The following LAMA2 variants were observed in gnomAD, a reference collection of about 807,000 sequenced individuals.
The protein encoded by LAMA2 is laminin subunit alpha-2.
LAMA2 carries 269 observed loss-of-function variants against 364.8 expected under a neutral mutation model. The observed-to-expected ratio is 0.74, with a 90% CI of 0.67 to 0.82. The LOEUF is 0.82. Ranked by LOEUF, LAMA2 falls within the 40% of genes least tolerant of loss-of-function variation. The probability of loss-of-function intolerance (pLI) is 0.00; values close to 1 mark genes in which losing one functional copy is unlikely to be tolerated. For missense variants in LAMA2, 3,807 were observed against 3,873.2 expected (o/e 0.98, Z 0.45); for synonymous variants, 1,379 against 1,370.6 (o/e 1.01, Z -0.14).
intron 1 of LAMA2, among the ~76,000 whole-genome samples, chr6:128,920,879 G>A (rs1453340353): frequency 6.6e-6 from 1 of 152,116 alleles, no homozygotes; most frequent in African/African-American, 2.4e-5. Context: ...GAGAAGAAAA[G>A]AAAGAGAGAC....
At chr6:129,432,048 A>G (rs1160578492) in intron 41 of LAMA2, among the ~76,000 whole-genome samples, 1 of 152,210 alleles carries the variant, frequency 6.6e-6, no homozygotes, top group Non-Finnish European at 1.5e-5. Context: ...TTGAATTTGC[A>G]TATTACCCTT....
intron 10 of LAMA2, among the ~76,000 whole-genome samples, chr6:129,183,252 A>T (rs1213319966): frequency 6.6e-6 from 1 of 151,988 alleles, no homozygotes; most frequent in Non-Finnish European, 1.5e-5. Flanking sequence ...CATATGCTAG[A>T]AATTGGCTCT....
At chr6:129,127,702 T>C (rs768687064) in intron 4 of LAMA2, among the ~76,000 whole-genome samples, 2 of 152,244 alleles carry the variant, frequency 1.3e-5, no homozygotes, top group Non-Finnish European at 2.9e-5. Flanking sequence ...TTTTTGATAT[T>C]ACCTATTCTG....
intron 1 of LAMA2, among the ~76,000 whole-genome samples, chr6:128,909,144 T>C (rs1338967221): frequency 6.6e-6 from 1 of 151,848 alleles, no homozygotes; most frequent in Non-Finnish European, 1.5e-5. Flanking sequence ...TGTAGATGTC[T>C]ATCAGGTCCG....
At chr6:129,332,033 G>A (rs1016528341) in intron 29 of LAMA2, among the ~76,000 whole-genome samples, 2 of 152,142 alleles carry the variant, frequency 1.3e-5, no homozygotes, top group Non-Finnish European at 2.9e-5. Flanking sequence ...TGGTATTCCT[G>A]GGACTCAATC....
intron 12 of LAMA2, among the ~76,000 whole-genome samples, chr6:129,244,835 T>G (rs1300738388): frequency 6.6e-6 from 1 of 152,200 alleles, no homozygotes; most frequent in African/African-American, 2.4e-5. Context: ...AAAACTTTCC[T>G]GCCTCATTAA....
At chr6:129,332,136 A>T (rs1775692398) in intron 29 of LAMA2, among the ~76,000 whole-genome samples, 1 of 152,200 alleles carries the variant, frequency 6.6e-6, no homozygotes, top group African/African-American at 2.4e-5. Context: ...TGATATTGAC[A>T]TCCCACAGTA....
intron 18 of LAMA2, among the ~76,000 whole-genome samples, chr6:129,282,958 C>T (rs1399593966): frequency 2.0e-5 from 3 of 152,002 alleles, no homozygotes; most frequent in East Asian, 1.9e-4. Context: ...CTTCTTGAAT[C>T]GAGGGGGTGA....
At position 129,347,575 on chromosome 6, in the gene LAMA2, T is replaced by C. The variant is rs1489626614; in HGVS notation, c.4437-1723T>C. On this transcript the variant is annotated intron_variant, in intron 30 of 64. Coordinates refer to ENST00000421865, the MANE Select transcript of LAMA2 (RefSeq NM_000426.4). The stretch of plus-strand genomic sequence containing the variant: ...TTATCTCTGCAGTGTCCATAGGAGA[T>C]GACACAGAGAGCAAGCTCTGTAAAT... 3.3e-5 allele frequency among the ~76,000 whole-genome samples: 5 copies of C among 152,268 alleles called. No individual in the cohort carries two copies. In the East Asian group the frequency reaches 7.7e-4, roughly 24 times the overall value.
intron 1 of LAMA2, among the ~76,000 whole-genome samples, chr6:128,883,840 A>T (rs1313810621): frequency 7.3e-6 from 1 of 136,866 alleles, no homozygotes; most frequent in African/African-American, 3.5e-5. Flanking sequence ...ACACACATAT[A>T]TATATATATA....
intron 51 of LAMA2, among the ~76,000 whole-genome samples, chr6:129,469,119 T>C (rs1223604734): frequency 1.3e-5 from 2 of 151,988 alleles, no homozygotes; most frequent in Non-Finnish European, 2.9e-5. Flanking sequence ...GCTGGGCATG[T>C]TGGCAAGGGC....
intron 58 of LAMA2, among the ~76,000 whole-genome samples, chr6:129,502,296 C>T (rs1785708886): frequency 6.6e-6 from 1 of 152,192 alleles, no homozygotes; most frequent in African/African-American, 2.4e-5. Flanking sequence ...GCTAGCTTGT[C>T]ATTTTCCCTG....
At chr6:129,296,318 A>T (rs908504267) in intron 20 of LAMA2, among the ~76,000 whole-genome samples, 1 of 152,110 alleles carries the variant, frequency 6.6e-6, no homozygotes. Context: ...TAATAATGAT[A>T]TTATATGGTT....
chr6:129,208,118 TA>T (rs1782801669), intron 12 of LAMA2, among the ~76,000 whole-genome samples: 1 of 152,174 alleles, frequency 6.6e-6, no homozygotes, highest in South Asian at 2.1e-4. Flanking sequence ...ATTCTTAAAA[TA>T]GGGGGTGGAC....
intron 3 of LAMA2, among the ~76,000 whole-genome samples, chr6:129,063,210 A>C (rs1206241225): frequency 6.6e-6 from 1 of 152,114 alleles, no homozygotes; most frequent in Non-Finnish European, 1.5e-5. Flanking sequence ...AATTACAGCT[A>C]TTAAAAGGAT....
chr6:128,971,156 T>G (rs576784812), intron 1 of LAMA2, among the ~76,000 whole-genome samples: 12 of 152,298 alleles, frequency 7.9e-5, no homozygotes, highest in Non-Finnish European at 1.3e-4. Flanking sequence ...GAAAGAAAAG[T>G]TTTTATTTTC....
intron 22 of LAMA2, among the ~76,000 whole-genome samples, chr6:129,309,506 C>T (rs1385965789): frequency 1.3e-5 from 2 of 152,172 alleles, no homozygotes; most frequent in African/African-American, 2.4e-5. Flanking sequence ...AAAGATGCCT[C>T]ACAGGATAAT....
intron 9 of LAMA2, among the ~76,000 whole-genome samples, chr6:129,173,270 A>G (rs931041095): frequency 7.2e-5 from 11 of 152,198 alleles, no homozygotes; most frequent in African/African-American, 2.2e-4. Flanking sequence ...TCACCATTAC[A>G]TATTGCCTAT....
intron 18 of LAMA2, among the ~76,000 whole-genome samples, chr6:129,284,736 C>T (rs1788975062): frequency 6.6e-6 from 1 of 152,046 alleles, no homozygotes; most frequent in Non-Finnish European, 1.5e-5. Context: ...CACGTCCGCT[C>T]TTTTTCTACC....
Sources: gnomAD v4.1 joint callset for allele counts (sites outside exome capture counted in the v4.1 genomes callset) on GRCh38, gnomAD v4.1.1 for gene constraint, MANE v1.5 for transcripts, NCBI Gene and HGNC (gene_info 2026-07-23, HGNC 2026-07-21) for gene names.